F13B: variants seen among roughly 807,000 people sequenced by gnomAD.
F13B encodes coagulation factor XIII B chain, also known as TGase.
In F13B, 58 loss-of-function variants were observed where a neutral mutation model predicts 79.8. That is an observed-to-expected ratio of 0.73 (90% confidence interval 0.59 to 0.90). The LOEUF (loss-of-function observed/expected upper bound fraction) is 0.90, where lower values mean the gene tolerates loss of function less well. F13B is among the 40% of genes least tolerant of loss of function. The probability of loss-of-function intolerance (pLI) is 0.00; values close to 1 mark genes in which losing one functional copy is unlikely to be tolerated. For missense variants in F13B, 773 were observed against 777.0 expected, an observed-to-expected ratio of 0.99 and a Z score of 0.06; for synonymous variants, 283 against 260.3, an observed-to-expected ratio of 1.09 and a Z score of -0.84.
At chr1:197,043,301 T>C (rs1655111320) in intron 10 of F13B, among the ~76,000 whole-genome samples, 1 of 152,178 alleles carries the variant, frequency 6.6e-6, no homozygotes. Flanking sequence ...GAGAAAGCTT[T>C]ATTTCTAATT....
intron 10 of F13B, among the ~76,000 whole-genome samples, chr1:197,045,916 C>T (rs1330119476): frequency 6.6e-6 from 1 of 152,160 alleles, no homozygotes; most frequent in African/African-American, 2.4e-5. Context: ...ACAAAAACCA[C>T]ATGATTATCT....
At chr1:197,064,514 T>C (rs1266197919) in intron 1 of F13B, among the ~76,000 whole-genome samples, 2 of 152,104 alleles carry the variant, frequency 1.3e-5, no homozygotes, top group Non-Finnish European at 2.9e-5. Flanking sequence ...CAATCACATA[T>C]GAATTAATGT....
intron 1 of F13B, among the ~76,000 whole-genome samples, chr1:197,066,055 A>C (rs1248713503): frequency 6.6e-6 from 1 of 152,086 alleles, no homozygotes. Context: ...AATTAACTAG[A>C]ATATTGCAAT....
chr1:197,039,484 T>C, intron 11 of F13B, 73 bp from the exon 12 acceptor site: 1 of 1,169,130 alleles, frequency 8.6e-7, no homozygotes, highest in Non-Finnish European at 1.3e-6. Context: ...TCTCAGCCTT[T>C]CAATTTTTCA....
intron 1 of F13B, 78 bp downstream of exon 1, chr1:197,067,082 T>A: frequency 1.3e-6 from 1 of 754,144 alleles, no homozygotes. Context: ...AAGAGTATAT[T>A]AAAACTTGAG....
chr1:197,050,480 G>T lies in F13B; in HGVS notation c.1738+217C>A, dbSNP rs1420689065. Reference sequence around the variant, plus strand: ...TATAGCCCATACCAACCTGATGTGTGGTTTGTCTTTAAAAAAATATGTATT... The same window carrying T: ...TATAGCCCATACCAACCTGATGTGTTGTTTGTCTTTAAAAAAATATGTATT... On this transcript the variant is annotated intron_variant, in intron 10 of 11. Coordinates refer to ENST00000367412, the MANE Select transcript of F13B (RefSeq NM_001994.3). 2.6e-4 allele frequency among the ~76,000 whole-genome samples: 40 copies of T among 151,908 alleles called. 1 individual carries two copies. Among genetic ancestry groups the T allele is most frequent in the Admixed American group, 2.6e-3 (40 of 15,220 alleles).
At chr1:197,062,148 G>T (rs1292643359) in intron 2 of F13B, among the ~76,000 whole-genome samples, 179 bp from the exon 3 acceptor site, 1 of 151,876 alleles carries the variant, frequency 6.6e-6, no homozygotes, top group Non-Finnish European at 1.5e-5. Flanking sequence ...ACTAATTTTA[G>T]TTCTTATAGT....
intron 1 of F13B, among the ~76,000 whole-genome samples, chr1:197,064,140 G>A (rs962463694): frequency 4.6e-5 from 7 of 152,066 alleles, no homozygotes; most frequent in African/African-American, 1.7e-4. Context: ...CTGCTGAAAT[G>A]AAAAAGACAA....
At chr1:197,052,526 A>T in intron 9 of F13B, 108 bp downstream of exon 9, 3 of 724,136 alleles carry the variant, frequency 4.1e-6, no homozygotes, top group South Asian at 2.2e-5. Flanking sequence ...AAACAAAATT[A>T]AAAAGAATAA....
rs201195929 is a variant in F13B at position 197,055,771 on chromosome 1, C to A, written c.1298G>T (p.Gly433Val). The A allele has an allele frequency of 3.1e-6, 5 of 1,613,620 alleles. No homozygotes were observed. Among genetic ancestry groups the A allele is most frequent in the Non-Finnish European group, 4.2e-6 (5 of 1,179,744 alleles). Reference sequence around the variant, plus strand: ...TTGTTCGCAACGAGATATTTTTGATCCCCTCAGTAAGTAATATTCATTGCA... The same window carrying A: ...TTGTTCGCAACGAGATATTTTTGATACCCTCAGTAAGTAATATTCATTGCA... ...YRCNEYYLLRGSKISRCEQGK... is the reference protein window; with the variant it reads ...YRCNEYYLLRVSKISRCEQGK... Residue 433 changes from glycine to valine, a missense_variant, in exon 8 of 12, where the codon GGA becomes GTA. Gly to Val is a moderately radical substitution (Grantham distance 109). Transcript: ENST00000367412.
At position 197,060,976 on chromosome 1, in the gene F13B, T is replaced by C. The variant is rs376190564; in HGVS notation, c.551A>G (p.Tyr184Cys). The C allele has an allele frequency of 1.2e-6, 2 of 1,612,564 alleles. No homozygotes were observed. The highest frequency in any genetic ancestry group is 2.7e-5 in the African/African-American group (2 of 74,880). The change falls in exon 4 of 12, where the codon TAC becomes TGC. Residue 184 changes from tyrosine to cysteine, a missense_variant. Transcript: ENST00000367412. ...DKVQYECATG[Y>C]YTAGGKKTEE... is the part of the protein sequence containing the mutation. ...TGTCTTCTTTCCTCCAGCTGTGTAG[T>C]AGCCAGTAGCACATTCGTATTGTAC... is the stretch of plus-strand genomic sequence containing the variant.
intron 1 of F13B, 26 bp downstream of exon 1, chr1:197,067,134 T>A: frequency 7.3e-7 from 1 of 1,360,870 alleles, no homozygotes; most frequent in South Asian, 1.2e-5. Context: ...TTTTAGAGAA[T>A]AAAGAATATT....
intron 11 of F13B, 77 bp downstream of exon 11, chr1:197,040,445 G>T (rs1357749702): frequency 3.0e-6 from 3 of 1,008,460 alleles, no homozygotes; most frequent in Non-Finnish European, 4.7e-6. Flanking sequence ...GAGTGGTATA[G>T]AACATAACAT....
At position 197,050,800 on chromosome 1, in the gene F13B, A is replaced by C. The variant is rs1009314384; in HGVS notation, c.1635T>G (p.Asn545Lys). ...AACATCTGTATTCTACTGAAGAGCCATTTTCATAGGTGTCTACTGTTGAAC... is the reference window on the plus strand; with the variant it reads ...AACATCTGTATTCTACTGAAGAGCCCTTTTCATAGGTGTCTACTGTTGAAC... The part of the protein sequence containing the change: ...IISSTVDTYE[N>K]GSSVEYRCFD... The change falls in exon 10 of 12, where the codon AAT becomes AAG. Residue 545 changes from asparagine to lysine, a missense_variant. By Grantham distance (94) the Asn-to-Lys change is moderately conservative (BLOSUM62 0). Transcript: ENST00000367412. 1 of 1,613,266 alleles carries C rather than the reference A, an allele frequency of 6.2e-7. No individual in the cohort carries two copies. The highest frequency in any genetic ancestry group is 1.3e-5 in the African/African-American group (1 of 74,874).
intron 10 of F13B, among the ~76,000 whole-genome samples, chr1:197,042,851 T>C (rs1211706304): frequency 6.6e-6 from 1 of 150,922 alleles, no homozygotes; most frequent in African/African-American, 2.4e-5. Context: ...GCCATTTTTT[T>C]CTCTTGAGGT....
chr1:197,067,155 T>A lies in F13B; in HGVS notation c.64+5A>T, dbSNP rs1275505534. The A allele has an allele frequency of 4.5e-6, 7 of 1,553,950 alleles. No homozygotes were observed. Among genetic ancestry groups the A allele is most frequent in the Admixed American group, 1.7e-5 (1 of 59,754 alleles). On this transcript the variant is annotated splice_donor_5th_base_variant and intron_variant, in intron 1 of 11. Coordinates refer to ENST00000367412, the MANE Select transcript of F13B (RefSeq NM_001994.3). ...AGAATAAAGAATATTAAGAATTAAT[T>A]TTACCTTCTGCATAGAGTTCTCCTG...
chr1:197,039,494 A>G (rs1467923619), intron 11 of F13B, 83 bp from the exon 12 acceptor site: 11 of 1,039,808 alleles, frequency 1.1e-5, no homozygotes, highest in Middle Eastern at 4.0e-4. Flanking sequence ...TCAATTTTTC[A>G]TATAATGAGT....
chr1:197,051,776 G>A (rs1483128440), intron 9 of F13B, among the ~76,000 whole-genome samples: 1 of 152,126 alleles, frequency 6.6e-6, no homozygotes, highest in Admixed American at 6.6e-5. Context: ...GATCAGCGAT[G>A]TTGAGCTTTT....
intron 10 of F13B, among the ~76,000 whole-genome samples, chr1:197,044,057 T>TTA (rs201367706): frequency 3.4e-5 from 5 of 145,888 alleles, no homozygotes; most frequent in African/African-American, 1.1e-4. Context: ...ATATATATAT[T>TTA]TATATATATA....
Sources: allele counts gnomAD v4.1 joint callset (sites outside exome capture counted in the v4.1 genomes callset), GRCh38; gene constraint gnomAD v4.1.1; transcripts MANE v1.5; gene names NCBI Gene and HGNC (gene_info 2026-07-23, HGNC 2026-07-21).